Variants in ATXN1 observed in about 807,000 individuals in gnomAD.
ATXN1 encodes the protein ataxin-1.
Under a neutral mutation model 56.4 loss-of-function variants are expected in ATXN1, and 8 were observed. That is an observed-to-expected ratio of 0.14 (90% CI 0.08 to 0.26). The LOEUF (loss-of-function observed/expected upper bound fraction) is 0.26, where lower values mean the gene tolerates loss of function less well. Ranked by LOEUF, ATXN1 falls within the 10% of genes least tolerant of loss-of-function variation. The probability of loss-of-function intolerance (pLI) is 1.00; values close to 1 mark genes in which losing one functional copy is unlikely to be tolerated. For missense variants in ATXN1, 987 were observed against 1,106.5 expected (o/e 0.89, Z 1.53); for synonymous variants, 514 against 494.6 (o/e 1.04, Z -0.52).
intron 3 of ATXN1, chr6:16,652,748 C>T (rs1016009278): frequency 6.6e-6 from 1 of 152,172 alleles, no homozygotes; most frequent in Non-Finnish European, 1.5e-5. Flanking sequence ...GTAAGGTCTC[C>T]ATGAAGCACA....
intron 3 of ATXN1, among the ~76,000 whole-genome samples, chr6:16,607,183 T>C (rs2113786769): frequency 6.6e-6 from 1 of 152,350 alleles, no homozygotes; most frequent in South Asian, 2.1e-4. Context: ...CAGGCAGCCC[T>C]GTTATATAAG....
At chr6:16,753,144 A>T in intron 2 of ATXN1, 89 bp downstream of exon 2, 1 of 264,630 alleles carries the variant, frequency 3.8e-6, no homozygotes, top group Non-Finnish European at 7.1e-6. Context: ...TCAACAGCCA[A>T]CAAAGTAAGG....
chr6:16,544,028 T>C (rs140002636), intron 4 of ATXN1, among the ~76,000 whole-genome samples: 139 of 152,300 alleles, frequency 9.1e-4, no homozygotes, highest in African/African-American at 3.2e-3. Context: ...TATTGGACCA[T>C]GAAGAGAAAA....
At position 16,642,949 on chromosome 6, in the gene ATXN1, C is replaced by G. The variant is rs550630518; in HGVS notation, c.-489+14827G>C. 3.3e-5 allele frequency among the ~76,000 whole-genome samples: 5 copies of G among 152,286 alleles called. No individual in the cohort carries two copies. The East Asian group carries it at 9.6e-4, about 29-fold the overall frequency. ...TTGCTGTATTGCAATACTTGCTTTA[C>G]TGCTGTGGTCTATAAGTGAACCCAA... On this transcript the variant is annotated intron_variant, in intron 3 of 7. Coordinates refer to ENST00000436367, the MANE Select transcript of ATXN1 (RefSeq NM_001128164.2).
intron 6 of ATXN1, among the ~76,000 whole-genome samples, chr6:16,447,498 A>G (rs892660707): frequency 2.6e-5 from 4 of 152,210 alleles, no homozygotes; most frequent in Non-Finnish European, 5.9e-5. Context: ...TGCTAGGATT[A>G]GAAGTGTTAG....
chr6:16,744,611 G>C (rs1157335866), intron 2 of ATXN1, among the ~76,000 whole-genome samples: 2 of 152,140 alleles, frequency 1.3e-5, no homozygotes, highest in Non-Finnish European at 2.9e-5. Flanking sequence ...TGAGAATCAA[G>C]GAGTGAGGGG....
chr6:16,493,509 C>T (rs997103724), intron 5 of ATXN1, among the ~76,000 whole-genome samples: 3 of 107,612 alleles, frequency 2.8e-5, no homozygotes, highest in East Asian at 5.9e-4. Context: ...TTTTAAAATT[C>T]ATTTTCCTTA....
chr6:16,489,580 T>A (rs1173831158), intron 5 of ATXN1, among the ~76,000 whole-genome samples: 2 of 152,184 alleles, frequency 1.3e-5, no homozygotes, highest in Non-Finnish European at 2.9e-5. Context: ...AAGCCACTAT[T>A]AAGGAAACCT....
chr6:16,648,269 T>A (rs751315639), intron 3 of ATXN1, among the ~76,000 whole-genome samples: 77 of 152,174 alleles, frequency 5.1e-4, no homozygotes, highest in Admixed American at 3.8e-3. Flanking sequence ...AGCCACAATA[T>A]CACCACATGG....
At chr6:16,739,906 T>C (rs1186634921) in intron 2 of ATXN1, 1 of 457,040 alleles carries the variant, frequency 2.2e-6, no homozygotes, top group South Asian at 1.5e-5. Flanking sequence ...ACCAGCACTT[T>C]CTGTTCTGTG....
At chr6:16,724,365 A>G (rs530187002) in intron 2 of ATXN1, among the ~76,000 whole-genome samples, 1 of 152,134 alleles carries the variant, frequency 6.6e-6, no homozygotes, top group East Asian at 1.9e-4. Flanking sequence ...TTTGTGCATC[A>G]AAGTTTTCTT....
chr6:16,603,245 G>A (rs1209428653), intron 3 of ATXN1, among the ~76,000 whole-genome samples: 1 of 152,146 alleles, frequency 6.6e-6, no homozygotes, highest in Non-Finnish European at 1.5e-5. Flanking sequence ...CCATTTCCCA[G>A]TTACCATTCT....
chr6:16,516,258 C>A (rs1341774897), intron 5 of ATXN1, among the ~76,000 whole-genome samples: 1 of 152,220 alleles, frequency 6.6e-6, no homozygotes, highest in Non-Finnish European at 1.5e-5. Context: ...ATTACTGCTA[C>A]AACACCATCA....
intron 3 of ATXN1, among the ~76,000 whole-genome samples, chr6:16,641,664 T>G (rs1423494997): frequency 1.3e-5 from 2 of 152,246 alleles, no homozygotes; most frequent in East Asian, 3.8e-4. Flanking sequence ...TTTTCACGCC[T>G]GCTAACACAA....
At chr6:16,467,671 C>T (rs1760134903) in intron 6 of ATXN1, among the ~76,000 whole-genome samples, 1 of 152,200 alleles carries the variant, frequency 6.6e-6, no homozygotes, top group African/African-American at 2.4e-5. Context: ...CATACATTCA[C>T]TATAGCTATT....
At chr6:16,496,286 C>T (rs1464785906) in intron 5 of ATXN1, among the ~76,000 whole-genome samples, 1 of 152,154 alleles carries the variant, frequency 6.6e-6, no homozygotes, top group African/African-American at 2.4e-5. Context: ...CTGTGAATAC[C>T]ATGTAGCAGA....
intron 6 of ATXN1, among the ~76,000 whole-genome samples, chr6:16,381,613 G>T (rs881405): frequency 0.13 from 20,027 of 152,228 alleles, 1,463 homozygotes; most frequent in African/African-American, 0.19. Flanking sequence ...ATTTAATTAT[G>T]ATGTGATGCT....
At position 16,506,973 on chromosome 6, in the gene ATXN1, C is replaced by T. The variant is rs1400070074; in HGVS notation, c.-299+15654G>A. ...ATGGATGGATGGACAGACAAATGGC[C>T]GGTGACCAAAATACATATACTCCTC... On this transcript the variant is annotated intron_variant, in intron 5 of 7. Coordinates refer to ENST00000436367, the MANE Select transcript of ATXN1 (RefSeq NM_001128164.2). The surrounding 1 kb of genome is among the most constrained non-coding windows in gnomAD (Gnocchi z 4.1). Among the ~76,000 whole-genome samples, 5 of 152,064 alleles carry T rather than the reference C, an allele frequency of 3.3e-5. No homozygotes were observed. Among genetic ancestry groups the T allele is most frequent in the South Asian group, 2.1e-4 (1 of 4,812 alleles).
At chr6:16,354,420 G>C (rs1413174065) in intron 6 of ATXN1, among the ~76,000 whole-genome samples, 1 of 152,000 alleles carries the variant, frequency 6.6e-6, no homozygotes, top group African/African-American at 2.4e-5. Context: ...ACCATGCCTG[G>C]CTAATTTTTT....
Sources: gnomAD v4.1 joint callset for allele counts (sites outside exome capture counted in the v4.1 genomes callset) on GRCh38, gnomAD v4.1.1 for gene constraint, Gnocchi (gnomAD v3.1) non-coding constraint, MANE v1.5 for transcripts, NCBI Gene and HGNC (gene_info 2026-07-23, HGNC 2026-07-21) for gene names.